Variants in PDE11A observed in about 807,000 individuals in gnomAD.
PDE11A encodes dual 3',5'-cyclic-AMP and -GMP phosphodiesterase 11A.
In PDE11A, 100 loss-of-function variants were observed where a neutral mutation model predicts 100.5. The ratio of observed to expected loss-of-function variants is 1.00; its 90% CI spans 0.85 to 1.18. PDE11A has a LOEUF of 1.18. PDE11A is among the 50% of genes most tolerant of loss of function. The pLI, the probability that PDE11A is intolerant of heterozygous loss-of-function variation, is 0.00. For missense variants in PDE11A, 1,141 were observed against 1,152.6 expected, an observed-to-expected ratio of 0.99 and a Z score of 0.15; for synonymous variants, 381 against 420.8, an observed-to-expected ratio of 0.91 and a Z score of 1.16.
intron 2 of PDE11A, among the ~76,000 whole-genome samples, chr2:178,089,696 C>T (rs1039602680): frequency 3.9e-5 from 6 of 152,176 alleles, no homozygotes; most frequent in African/African-American, 9.7e-5. Context: ...TCTGGTCAAA[C>T]GATCTTTGTT....
At chr2:177,654,056 A>C (rs1325295908) in intron 19 of PDE11A, among the ~76,000 whole-genome samples, 1 of 152,236 alleles carries the variant, frequency 6.6e-6, no homozygotes, top group Non-Finnish European at 1.5e-5. Context: ...CTTTGAAAAA[A>C]AGAAATGCAA....
chr2:177,642,312 C>T (rs2080155833), intron 19 of PDE11A, among the ~76,000 whole-genome samples: 1 of 152,164 alleles, frequency 6.6e-6, no homozygotes, highest in Non-Finnish European at 1.5e-5. Context: ...AAAGAGTGAA[C>T]AGGGTTCAAG....
At chr2:177,816,147 G>A (rs533244382) in intron 9 of PDE11A, among the ~76,000 whole-genome samples, 88 of 152,130 alleles carry the variant, frequency 5.8e-4, no homozygotes, top group Non-Finnish European at 1.0e-3. Flanking sequence ...GGAGGTAGAG[G>A]TTGCAGTGAG....
At chr2:177,985,411 G>C (rs115829785) in intron 2 of PDE11A, among the ~76,000 whole-genome samples, 2,280 of 152,214 alleles carry the variant, frequency 0.015, 34 homozygotes, top group Middle Eastern at 0.038. Context: ...TTTAATCTGT[G>C]CGTTGCTGTG....
chr2:177,862,530 AT>A (rs1280582121), intron 5 of PDE11A, among the ~76,000 whole-genome samples: 1 of 151,926 alleles, frequency 6.6e-6, no homozygotes, highest in Non-Finnish European at 1.5e-5. Flanking sequence ...AATCAGTAGC[AT>A]TTTTATATAC....
intron 9 of PDE11A, among the ~76,000 whole-genome samples, chr2:177,784,972 T>A (rs1162894860): frequency 2.0e-5 from 3 of 152,200 alleles, no homozygotes; most frequent in African/African-American, 7.2e-5. Flanking sequence ...CTACAGCAAT[T>A]CTTAAGACAG....
intron 2 of PDE11A, among the ~76,000 whole-genome samples, chr2:177,958,323 C>T (rs1473835740): frequency 6.6e-6 from 1 of 152,168 alleles, no homozygotes; most frequent in Non-Finnish European, 1.5e-5. Context: ...TTGTGAGCAG[C>T]ACAAGGCCAT....
chr2:177,714,592 C>T (rs1286948505), intron 12 of PDE11A, among the ~76,000 whole-genome samples: 1 of 152,198 alleles, frequency 6.6e-6, no homozygotes, highest in Admixed American at 6.5e-5. Context: ...CTGGCGACGT[C>T]TAGCAGCGGG....
At chr2:177,929,903 ATTTAC>A (rs751275126) in intron 2 of PDE11A, among the ~76,000 whole-genome samples, 8 of 152,198 alleles carry the variant, frequency 5.3e-5, no homozygotes, top group Non-Finnish European at 8.8e-5. Flanking sequence ...TGTATAAGTT[ATTTAC>A]TTAACAAACC....
intron 19 of PDE11A, among the ~76,000 whole-genome samples, chr2:177,630,003 G>C (rs1233860941): frequency 3.9e-5 from 6 of 152,160 alleles, no homozygotes; most frequent in Non-Finnish European, 7.3e-5. Context: ...GATGACTCTG[G>C]GTGGACTTAC....
intron 14 of PDE11A, among the ~76,000 whole-genome samples, chr2:177,698,918 AG>A (rs759097177): frequency 2.0e-5 from 3 of 152,204 alleles, no homozygotes; most frequent in Non-Finnish European, 2.9e-5. Flanking sequence ...ATGGAAAAGC[AG>A]TCACCTGGGT....
chr2:177,733,095 G>A (rs958277441), intron 10 of PDE11A, among the ~76,000 whole-genome samples: 7 of 152,162 alleles, frequency 4.6e-5, no homozygotes, highest in African/African-American at 1.4e-4. Flanking sequence ...AAATGAGATT[G>A]CATCTTCCAA....
intron 2 of PDE11A, among the ~76,000 whole-genome samples, chr2:177,940,671 G>T (rs929891812): frequency 2.0e-5 from 3 of 152,224 alleles, no homozygotes; most frequent in Non-Finnish European, 4.4e-5. Flanking sequence ...TCACCCTGAA[G>T]TGTGTTCTGC....
chr2:177,798,388 G>A (rs1055432240), intron 9 of PDE11A, among the ~76,000 whole-genome samples: 23 of 152,246 alleles, frequency 1.5e-4, no homozygotes, highest in African/African-American at 5.1e-4. Context: ...TTACATAGTC[G>A]TAGTCTACTC....
At chr2:177,842,292 G>A (rs2083504553) in intron 5 of PDE11A, among the ~76,000 whole-genome samples, 1 of 152,192 alleles carries the variant, frequency 6.6e-6, no homozygotes, top group Non-Finnish European at 1.5e-5. Flanking sequence ...CTCAAGGAAG[G>A]AGCCAGTTTT....
At chr2:177,729,901 A>T (rs985697257) in intron 10 of PDE11A, among the ~76,000 whole-genome samples, 3 of 151,296 alleles carry the variant, frequency 2.0e-5, no homozygotes, top group African/African-American at 7.3e-5. Context: ...CTTTGTAGTT[A>T]CCATGAGGCT....
intron 1 of PDE11A, among the ~76,000 whole-genome samples, chr2:178,034,423 G>C (rs10202188): frequency 1.8e-3 from 280 of 152,242 alleles, no homozygotes; most frequent in African/African-American, 6.6e-3. Context: ...CACAATAATA[G>C]TGGGAGACTT....
chr2:177,764,298 G>C (rs1270517502), intron 10 of PDE11A, among the ~76,000 whole-genome samples: 1 of 152,206 alleles, frequency 6.6e-6, no homozygotes, highest in South Asian at 2.1e-4. Flanking sequence ...ACCCCAACCT[G>C]AGTTACTGGT....
chr2:177,667,823 C>T (rs2080612998), intron 18 of PDE11A, among the ~76,000 whole-genome samples: 1 of 152,168 alleles, frequency 6.6e-6, no homozygotes, highest in Admixed American at 6.5e-5. Context: ...CTCACTGCTT[C>T]CAATCCTGAC....
Sources: allele counts gnomAD v4.1 joint callset (sites outside exome capture counted in the v4.1 genomes callset), GRCh38; gene constraint gnomAD v4.1.1; transcripts MANE v1.5; gene names NCBI Gene and HGNC (gene_info 2026-07-23, HGNC 2026-07-21).